The following ABCC9 variants were observed in gnomAD, a reference collection of about 807,000 sequenced individuals.
The protein encoded by ABCC9 is ATP binding cassette subfamily C member 9, also known as ATP-binding cassette sub-family C member 9.
In ABCC9, 95 loss-of-function variants were observed where a neutral mutation model predicts 188.3. That is an observed-to-expected ratio of 0.50 (90% CI 0.43 to 0.60). The LOEUF is 0.60. Among genes scored for constraint, ABCC9 ranks in the 20% least tolerant of loss-of-function variants. The pLI, the probability that ABCC9 is intolerant of heterozygous loss-of-function variation, is 0.00. For missense variants in ABCC9, 1,102 were observed against 1,876.3 expected (o/e 0.59, Z 7.62); for synonymous variants, 659 against 652.7 (o/e 1.01, Z -0.15).
chr12:21,857,477 G>A (rs1945283928), intron 22 of ABCC9, among the ~76,000 whole-genome samples: 1 of 152,104 alleles, frequency 6.6e-6, no homozygotes, highest in African/African-American at 2.4e-5. Flanking sequence ...GTCTGTGGTA[G>A]AAAGAATAAT....
chr12:21,838,260 C>T (rs1265594705), intron 29 of ABCC9, 90 bp from the exon 30 acceptor site: 3 of 1,029,952 alleles, frequency 2.9e-6, no homozygotes, highest in Non-Finnish European at 4.5e-6. Flanking sequence ...TATTTTGTCA[C>T]TGTATTTGTT....
Position 21,807,394 on chromosome 12 carries a change from G to A in ABCC9, c.4401C>T (p.Ser1467=), listed in dbSNP as rs1463901254. 2.5e-6 allele frequency: 4 copies of A among 1,613,828 alleles called. No individual in the cohort carries two copies. The highest frequency in any genetic ancestry group is 1.1e-5 in the South Asian group (1 of 91,092). Reference sequence around the variant, plus strand: ...TTGCCTCATCCATAATAAGAATGCTGCTTTTGCGGACAAAGGCCCTGGCAA... The same window carrying A: ...TTGCCTCATCCATAATAAGAATGCTACTTTTGCGGACAAAGGCCCTGGCAA... ...FCLARAFVRK[S]SILIMDEATA... is the part of the protein sequence containing the mutation. Residue 1467 remains serine (S), a synonymous_variant, in exon 38 of 40, where the codon AGC becomes AGT. Coordinates refer to ENST00000261200, the MANE Select transcript of ABCC9 (RefSeq NM_020297.4).
At chr12:21,886,703 C>T (rs1166384612) in intron 15 of ABCC9, among the ~76,000 whole-genome samples, 45 of 152,182 alleles carry the variant, frequency 3.0e-4, no homozygotes, top group African/African-American at 2.4e-5. Flanking sequence ...CCATGGCTTA[C>T]GAGGGCCCTC....
Position 21,912,779 on chromosome 12 carries a change from T to G in ABCC9, c.1011+93A>C, listed in dbSNP as rs192017423. The G allele has an allele frequency of 2.4e-5, 32 of 1,313,018 alleles. 1 individual carries two copies. The Middle Eastern group carries it at 6.8e-4, about 28-fold the overall frequency. The allele number at this position is 1,313,018 out of a possible 1,614,324, so 81.3% of individuals were successfully genotyped here. ...TTCAATTCTCTGAAAAAAAGCCTATTTGAACAACTCATAAAACTGCATTAA... is the reference window on the plus strand; with the variant it reads ...TTCAATTCTCTGAAAAAAAGCCTATGTGAACAACTCATAAAACTGCATTAA... On this transcript the variant is annotated intron_variant, in intron 8 of 39. Transcript: ENST00000261200.
intron 29 of ABCC9, among the ~76,000 whole-genome samples, chr12:21,838,812 C>T (rs1286695993): frequency 6.6e-6 from 1 of 152,048 alleles, no homozygotes. Flanking sequence ...GGCAGGTGGA[C>T]ACTTGAAGCC....
intron 5 of ABCC9, chr12:21,925,485 C>T (rs1381091768): frequency 4.3e-6 from 3 of 702,380 alleles, no homozygotes; most frequent in Non-Finnish European, 5.2e-6. Flanking sequence ...TGTGGCATTC[C>T]CACAGCATCA....
intron 4 of ABCC9, 49 bp downstream of exon 4, chr12:21,933,731 AAT>A: frequency 6.2e-7 from 1 of 1,603,632 alleles, no homozygotes. Flanking sequence ...TTGTGTAATC[AAT>A]ATACCCACTG....
chr12:21,909,681 A>T (rs74067858), intron 10 of ABCC9, among the ~76,000 whole-genome samples: 2,376 of 152,086 alleles, frequency 0.016, 36 homozygotes, highest in Middle Eastern at 0.058. Flanking sequence ...GCTCTCGTTT[A>T]GAAATGCTGT....
intron 20 of ABCC9, 147 bp from the exon 21 acceptor site, chr12:21,861,202 C>A (rs1945487074): frequency 1.4e-6 from 1 of 698,132 alleles, no homozygotes; most frequent in South Asian, 1.5e-5. Context: ...TTTCTGGATA[C>A]AAAGATACAT....
At chr12:21,882,671 T>C (rs975999854) in intron 16 of ABCC9, 95 bp downstream of exon 16, 5 of 1,147,110 alleles carry the variant, frequency 4.4e-6, no homozygotes, top group Non-Finnish European at 5.2e-6. Context: ...AAAAACAATT[T>C]AAAGGCACAA....
chr12:21,842,163 C>G, intron 29 of ABCC9, 151 bp downstream of exon 29: 8 of 890,240 alleles, frequency 9.0e-6, no homozygotes, highest in Non-Finnish European at 1.4e-5. Context: ...ATGTAGTACT[C>G]GGCACATGAC....
intron 12 of ABCC9, among the ~76,000 whole-genome samples, chr12:21,904,828 G>A (rs927337923): frequency 6.6e-6 from 1 of 152,224 alleles, no homozygotes; most frequent in Admixed American, 6.5e-5. Context: ...TACACTGTTC[G>A]TGGGACTATA....
At chr12:21,824,374 GT>G (rs1391776455) in intron 31 of ABCC9, among the ~76,000 whole-genome samples, 1 of 152,116 alleles carries the variant, frequency 6.6e-6, no homozygotes, top group Non-Finnish European at 1.5e-5. Flanking sequence ...TTTTTGATGT[GT>G]TGCTGGATTC....
At chr12:21,831,577 C>G (rs1943760461) in intron 30 of ABCC9, among the ~76,000 whole-genome samples, 1 of 151,888 alleles carries the variant, frequency 6.6e-6, no homozygotes, top group African/African-American at 2.4e-5. Flanking sequence ...ATGATTTGCA[C>G]CAAGCAGAGG....
intron 33 of ABCC9, 84 bp from the exon 34 acceptor site, chr12:21,815,977 T>G: frequency 1.1e-6 from 1 of 950,232 alleles, no homozygotes; most frequent in Non-Finnish European, 1.5e-6. Context: ...TTAAATACAT[T>G]TATACATATA....
At chr12:21,814,608 C>A in intron 35 of ABCC9, 36 bp downstream of exon 35, 1 of 1,542,722 alleles carries the variant, frequency 6.5e-7, no homozygotes. Context: ...AGGAAAGCAC[C>A]AAGTGGCCAC....
intron 17 of ABCC9, among the ~76,000 whole-genome samples, chr12:21,874,137 CA>C (rs35973129): frequency 6.6e-6 from 1 of 151,814 alleles, no homozygotes; most frequent in African/African-American, 2.4e-5. Context: ...ATATAAAATA[CA>C]AAAAAAACTA....
At chr12:21,926,154 G>C in intron 4 of ABCC9, 91 bp from the exon 5 acceptor site, 1 of 1,518,054 alleles carries the variant, frequency 6.6e-7, no homozygotes, top group Non-Finnish European at 9.1e-7. Flanking sequence ...CTCTATCTTA[G>C]CAATAAGATG....
rs1941316935 is a variant in ABCC9, at chr12:21,799,238, A to G, written c.*1806T>C. The stretch of plus-strand genomic sequence containing the variant: ...AATGTGCACATGTACCCTAAAACTT[A>G]AAGTATATTAAAAAAAAAATTAAAA... On this transcript the variant is annotated 3_prime_UTR_variant, in exon 40 of 40. Transcript: ENST00000261200. The G allele has an allele frequency of 6.6e-6, 1 of 150,512 alleles. No individual in the cohort carries two copies. The highest frequency in any genetic ancestry group is 1.5e-5 in the Non-Finnish European group (1 of 67,842). 9.3% of individuals were successfully genotyped at this position (150,512 alleles called of 1,614,324 possible).
Sources: allele counts gnomAD v4.1 joint callset (sites outside exome capture counted in the v4.1 genomes callset), GRCh38; gene constraint gnomAD v4.1.1; transcripts MANE v1.5; gene names NCBI Gene and HGNC (gene_info 2026-07-23, HGNC 2026-07-21).